Variants in TRAF3 observed in about 807,000 individuals in gnomAD.
TRAF3 encodes TNF receptor-associated factor 3.
TRAF3 carries 13 observed loss-of-function variants against 62.3 expected under a neutral mutation model. The ratio of observed to expected loss-of-function variants is 0.21; its 90% CI spans 0.14 to 0.33. The LOEUF (loss-of-function observed/expected upper bound fraction) is 0.33, where lower values mean the gene tolerates loss of function less well. TRAF3 is among the 10% of genes least tolerant of loss of function. TRAF3 has a pLI of 1.00. For synonymous variants in TRAF3, 269 were observed against 283.4 expected, an observed-to-expected ratio of 0.95 and a Z score of 0.51; for missense variants, 440 against 741.8, an observed-to-expected ratio of 0.59 and a Z score of 4.73.
chr14:102,826,228 G>A lies in TRAF3; in HGVS notation c.-156-4106G>A, dbSNP rs1900303159. Among the ~76,000 whole-genome samples, 1 of 152,068 alleles carries A rather than the reference G, an allele frequency of 6.6e-6. No individual in the cohort carries two copies. Among genetic ancestry groups the A allele is most frequent in the African/African-American group, 2.4e-5 (1 of 41,406 alleles). On this transcript the variant is annotated intron_variant, in intron 1 of 11. Coordinates refer to ENST00000392745, the MANE Select transcript of TRAF3 (RefSeq NM_145725.3). This position sits in a 1 kb window ranked among gnomAD's most constrained non-coding sequence, Gnocchi z 4.6. ...GGTGTAAATCCTGGCTCTTCTGCTT[G>A]AACTGACTGTGCCTCAGCATCCTCG... is the stretch of plus-strand genomic sequence containing the variant.
intron 1 of TRAF3, among the ~76,000 whole-genome samples, chr14:102,782,988 G>C (rs980900772): frequency 1.3e-5 from 2 of 152,212 alleles, no homozygotes; most frequent in African/African-American, 2.4e-5. Context: ...TTGTAATGAA[G>C]GTTTCCTGAG....
chr14:102,777,992 C>T (rs1384233552), intron 1 of TRAF3, among the ~76,000 whole-genome samples: 6 of 150,598 alleles, frequency 4.0e-5, no homozygotes, highest in African/African-American at 1.2e-4. Flanking sequence ...GCAGGCCTCG[C>T]TACGGCCGTG....
At chr14:102,852,935 C>A (rs1368257465) in intron 2 of TRAF3, among the ~76,000 whole-genome samples, 1 of 151,858 alleles carries the variant, frequency 6.6e-6, no homozygotes, top group African/African-American at 2.4e-5. Flanking sequence ...ACTCTGTCGC[C>A]CAGGCTGGAG....
intron 1 of TRAF3, among the ~76,000 whole-genome samples, chr14:102,778,336 C>CT (rs1158110095): frequency 6.6e-6 from 1 of 151,942 alleles, no homozygotes; most frequent in African/African-American, 2.4e-5. Context: ...TGGCCGGTTC[C>CT]ACGCCGCCAG....
rs1425226456 is a variant in TRAF3 at position 102,811,978 on chromosome 14, G to GTCTCAAAC, written c.-156-18353_-156-18346dup. Among the ~76,000 whole-genome samples the GTCTCAAAC allele has an allele frequency of 9.1e-5, 11 of 121,078 alleles. No homozygotes were observed. In the East Asian group the frequency reaches 2.8e-3, roughly 31 times the overall value. 79.4% of individuals were successfully genotyped at this position (121,078 alleles called of 152,430 possible). A position where few individuals can be genotyped will look rare whatever the true frequency, so the allele number is the denominator to read the frequency against. On this transcript the variant is annotated intron_variant, in intron 1 of 11. Coordinates refer to ENST00000392745, the MANE Select transcript of TRAF3 (RefSeq NM_145725.3). Reference sequence around the variant, plus strand: ...GGGTCTTGCTGTGTTGCTAAGGCTGGTCTCAAACTCCTGGCCTCAAGTGGT... The same window carrying GTCTCAAAC: ...GGGTCTTGCTGTGTTGCTAAGGCTGGTCTCAAACTCTCAAACTCCTGGCCTCAAGTGGT...
At chr14:102,791,501 G>A (rs1011134077) in intron 1 of TRAF3, among the ~76,000 whole-genome samples, 1 of 152,016 alleles carries the variant, frequency 6.6e-6, no homozygotes, top group Admixed American at 6.6e-5. Context: ...CTCATTGCTG[G>A]TATATAGAAA....
intron 2 of TRAF3, among the ~76,000 whole-genome samples, chr14:102,836,439 A>G (rs1267642153): frequency 2.6e-5 from 4 of 152,276 alleles, no homozygotes; most frequent in South Asian, 2.1e-4. Context: ...TTGATGTTGC[A>G]TAACAAATCT....
chr14:102,864,160 T>G (rs1485016959), intron 2 of TRAF3, among the ~76,000 whole-genome samples: 1 of 150,662 alleles, frequency 6.6e-6, no homozygotes, highest in Admixed American at 6.6e-5. Flanking sequence ...TTTTTTTTTT[T>G]TTTTTGGAGA....
intron 1 of TRAF3, among the ~76,000 whole-genome samples, chr14:102,801,027 G>T (rs987337943): frequency 6.6e-6 from 1 of 152,012 alleles, no homozygotes; most frequent in Non-Finnish European, 1.5e-5. Flanking sequence ...TTAGCCGGGC[G>T]CAGTGGCGGG....
intron 2 of TRAF3, among the ~76,000 whole-genome samples, chr14:102,869,219 A>G (rs1412311830): frequency 6.6e-6 from 1 of 152,204 alleles, no homozygotes; most frequent in African/African-American, 2.4e-5. Flanking sequence ...GGGTGGTGCT[A>G]GATTAATAAG....
intron 8 of TRAF3, among the ~76,000 whole-genome samples, chr14:102,890,279 TTAAA>T (rs1889636775): frequency 6.6e-6 from 1 of 152,264 alleles, no homozygotes; most frequent in South Asian, 2.1e-4. Context: ...GAGTTTTCAT[TTAAA>T]TATATGTATC....
chr14:102,888,267 G>A (rs1889514129), intron 7 of TRAF3, among the ~76,000 whole-genome samples: 1 of 152,216 alleles, frequency 6.6e-6, no homozygotes, highest in Non-Finnish European at 1.5e-5. Context: ...TGCCTTGTGG[G>A]CGCTTCCTGC....
rs2140021210 is a variant in TRAF3 at position 102,908,115 on chromosome 14, C to T, written c.*2331C>T. 1.3e-5 allele frequency: 2 copies of T among 152,418 alleles called. No individual in the cohort carries two copies. The highest frequency in any genetic ancestry group is 4.1e-4 in the South Asian group (2 of 4,832). The allele number at this position is 152,418 out of a possible 1,614,324, so 9.4% of individuals were successfully genotyped here. A position where few individuals can be genotyped will look rare whatever the true frequency, so the allele number is the denominator to read the frequency against. ...TGGTCTAGTAAGAACCGTTTCCTCC[C>T]CTCTGGGTTGAAGTCCTGGTGTGGC... On this transcript the variant is annotated 3_prime_UTR_variant, in exon 12 of 12. Coordinates refer to ENST00000392745, the MANE Select transcript of TRAF3 (RefSeq NM_145725.3).
chr14:102,903,225 T>C lies in TRAF3; in HGVS notation c.961-30T>C, dbSNP rs1171857275. On this transcript the variant is annotated intron_variant, in intron 10 of 11. Transcript: ENST00000392745. This position sits in a 1 kb window ranked among gnomAD's most constrained non-coding sequence, Gnocchi z 6.4. ...CAGCATTTTCCGAGTCCTAACTGTG[T>C]TTTGCTTTTTAACACCTTTGGTTTG... 6.2e-7 allele frequency: 1 copy of C among 1,614,102 alleles called. No individual in the cohort carries two copies. The highest frequency in any genetic ancestry group is 1.1e-5 in the South Asian group (1 of 91,082).
chr14:102,785,452 G>T (rs1484592418), intron 1 of TRAF3, among the ~76,000 whole-genome samples: 2 of 152,204 alleles, frequency 1.3e-5, no homozygotes, highest in African/African-American at 4.8e-5. Flanking sequence ...TAAACTGGTA[G>T]TCTAGTAATA....
intron 1 of TRAF3, among the ~76,000 whole-genome samples, chr14:102,817,645 A>G (rs1595321087): frequency 6.6e-6 from 1 of 152,138 alleles, no homozygotes; most frequent in Non-Finnish European, 1.5e-5. Context: ...AGGGGGAAAG[A>G]GGTATTATAG....
At chr14:102,880,198 G>GA (rs1438801160) in intron 6 of TRAF3, among the ~76,000 whole-genome samples, 17 of 152,270 alleles carry the variant, frequency 1.1e-4, no homozygotes, top group African/African-American at 4.1e-4. Flanking sequence ...ATTCCTCCAG[G>GA]CTGTGCATAA....
At position 102,910,474 on chromosome 14, in the gene TRAF3, G is replaced by A. The variant is rs917995767; in HGVS notation, c.*4690G>A. On this transcript the variant is annotated 3_prime_UTR_variant, in exon 12 of 12. Coordinates refer to ENST00000392745, the MANE Select transcript of TRAF3 (RefSeq NM_145725.3). ...GTGCGCACCGGGGTCCTAGCCAGGC[G>A]AGGTCAGTGTCGGCAGGCTACCTGG... 2 of 152,280 alleles carry A rather than the reference G, an allele frequency of 1.3e-5. No individual in the cohort carries two copies. Among genetic ancestry groups the A allele is most frequent in the South Asian group, 2.1e-4 (1 of 4,838 alleles). 9.4% of individuals were successfully genotyped at this position (152,280 alleles called of 1,614,324 possible). A position where few individuals can be genotyped will look rare whatever the true frequency, so the allele number is the denominator to read the frequency against.
chr14:102,833,862 A>G (rs747627947), intron 2 of TRAF3, among the ~76,000 whole-genome samples: 27 of 151,938 alleles, frequency 1.8e-4, no homozygotes, highest in Non-Finnish European at 3.4e-4. Flanking sequence ...GTGTGGTGGC[A>G]CCTGTAATCC....
Sources: allele counts gnomAD v4.1 joint callset (sites outside exome capture counted in the v4.1 genomes callset), GRCh38; gene constraint gnomAD v4.1.1; non-coding constraint Gnocchi (gnomAD v3.1); transcripts MANE v1.5; gene names NCBI Gene and HGNC (gene_info 2026-07-23, HGNC 2026-07-21).